TCAF1: variants seen among roughly 807,000 people sequenced by gnomAD.
The protein encoded by TCAF1 is TRPM8 channel associated factor 1.
Under a neutral mutation model 27.3 loss-of-function variants are expected in TCAF1, and 4 were observed. The observed-to-expected ratio is 0.15, with a 90% CI of 0.07 to 0.34. The LOEUF is 0.34. Ranked by LOEUF, TCAF1 falls within the 10% of genes least tolerant of loss-of-function variation. The pLI is 1.00. For synonymous variants in TCAF1, 105 were observed against 167.1 expected (o/e 0.63, Z 2.87); for missense variants, 257 against 425.8 (o/e 0.60, Z 3.49).
intron 1 of TCAF1, chr7:143,885,397 A>ATTGGCTGCCGCGGGTGGAGGCGGAGC: frequency 6.1e-6 from 6 of 985,356 alleles, no homozygotes; most frequent in Non-Finnish European, 7.2e-6. Context: ...CCGGGAGCTG[A>ATTGGCTGCCGCGGGTGGAGGCGGAGC]TTGGCTGCCG....
chr7:143,884,074 T>C (rs1390858332), intron 1 of TCAF1, among the ~76,000 whole-genome samples: 1 of 152,230 alleles, frequency 6.6e-6, no homozygotes, highest in African/African-American at 2.4e-5. Flanking sequence ...AGCCTTATTA[T>C]AAGGCTTAAG....
intron 1 of TCAF1, among the ~76,000 whole-genome samples, chr7:143,890,150 A>G (rs1190911823): frequency 6.7e-6 from 1 of 148,190 alleles, no homozygotes; most frequent in Non-Finnish European, 1.5e-5. Context: ...CACCACACCC[A>G]GTTATTTTAT....
chr7:143,877,981 T>G (rs1449265431), intron 1 of TCAF1, among the ~76,000 whole-genome samples: 1 of 152,224 alleles, frequency 6.6e-6, no homozygotes, highest in Non-Finnish European at 1.5e-5. Flanking sequence ...GATTATAAAC[T>G]TGGGCTCTGG....
Position 143,851,720 on chromosome 7 carries a change from A to G in TCAF1, c.*2413T>C, listed in dbSNP as rs1221079355. 1.3e-5 allele frequency: 2 copies of G among 152,062 alleles called. No individual in the cohort carries two copies. The highest frequency in any genetic ancestry group is 2.9e-5 in the Non-Finnish European group (2 of 68,016). 9.4% of individuals were successfully genotyped at this position (152,062 alleles called of 1,614,324 possible). On this transcript the variant is annotated 3_prime_UTR_variant, in exon 9 of 9. Coordinates refer to ENST00000479870, the MANE Select transcript of TCAF1 (RefSeq NM_014719.3). The stretch of plus-strand genomic sequence containing the variant: ...ATGTCTGATAGTTACATCACTTTTT[A>G]ATACATCTATTGGTTTGATTTTATA...
rs1811285527 is a variant in TCAF1, at chr7:143,851,563, A to G, written c.*2570T>C. 6.6e-6 allele frequency: 1 copy of G among 152,292 alleles called. No homozygotes were observed. The highest frequency in any genetic ancestry group is 6.5e-5 in the Admixed American group (1 of 15,286). 9.4% of individuals were successfully genotyped at this position (152,292 alleles called of 1,614,324 possible). A position where few individuals can be genotyped will look rare whatever the true frequency, so the allele number is the denominator to read the frequency against. On this transcript the variant is annotated 3_prime_UTR_variant, in exon 9 of 9. Coordinates refer to ENST00000479870, the MANE Select transcript of TCAF1 (RefSeq NM_014719.3). ...ATTTTAGATCGTCTGGTAACTTTCT[A>G]ACTTTAAATAATATGTTTGAGCAAT...
At chr7:143,882,816 T>C in intron 1 of TCAF1, 1 of 985,602 alleles carries the variant, frequency 1.0e-6, no homozygotes, top group Non-Finnish European at 1.2e-6. Flanking sequence ...GGAAGAGGCT[T>C]CCCTGTACCA....
rs149074172 is a variant in TCAF1, at chr7:143,889,130, C to T, written c.-14-12508G>A. On this transcript the variant is annotated intron_variant, in intron 1 of 8. Coordinates refer to ENST00000479870, the MANE Select transcript of TCAF1 (RefSeq NM_014719.3). ...AATTATTCATAATTCAGTCTAAAAT[C>T]GAAAAAATGATGGAAAATATGAAAA... is the stretch of plus-strand genomic sequence containing the variant. Among the ~76,000 whole-genome samples, 3 of 151,428 alleles carry T rather than the reference C, an allele frequency of 2.0e-5. 1 individual carries two copies. The highest frequency in any genetic ancestry group is 4.2e-4 in the South Asian group (2 of 4,798).
intron 2 of TCAF1, among the ~76,000 whole-genome samples, chr7:143,869,127 C>T (rs1447669904): frequency 6.9e-6 from 1 of 144,844 alleles, no homozygotes; most frequent in African/African-American, 2.5e-5. Flanking sequence ...CTCAGCCTCC[C>T]CAGTAGCTCG....
At chr7:143,899,997 T>G (rs1019826292) in intron 1 of TCAF1, among the ~76,000 whole-genome samples, 2 of 152,242 alleles carry the variant, frequency 1.3e-5, no homozygotes, top group Non-Finnish European at 2.9e-5. Flanking sequence ...GTGGCAAGCA[T>G]GTAGAGCAAC....
intron 1 of TCAF1, among the ~76,000 whole-genome samples, chr7:143,883,425 T>C (rs1208195851): frequency 6.6e-6 from 1 of 151,938 alleles, no homozygotes; most frequent in Non-Finnish European, 1.5e-5. Flanking sequence ...AAAAATAATA[T>C]ACAGTTCAAA....
In TCAF1 at chr7:143,870,274, A is replaced by G. The variant is rs1195413332; in HGVS notation, c.620+5715T>C. Among the ~76,000 whole-genome samples the G allele has an allele frequency of 6.0e-5, 9 of 150,092 alleles. No homozygotes were observed. The East Asian group carries it at 1.2e-3, about 20-fold the overall frequency. On this transcript the variant is annotated intron_variant, in intron 2 of 8. Coordinates refer to ENST00000479870, the MANE Select transcript of TCAF1 (RefSeq NM_014719.3). Reference sequence around the variant, plus strand: ...TTCTACAGATTTTGGGTTTAATTCAATTTCCTTTTTTAGATTCTTAATATG... The same window carrying G: ...TTCTACAGATTTTGGGTTTAATTCAGTTTCCTTTTTTAGATTCTTAATATG...
intron 2 of TCAF1, among the ~76,000 whole-genome samples, chr7:143,871,435 G>A (rs1223592253): frequency 1.8e-5 from 1 of 56,016 alleles, no homozygotes; most frequent in Non-Finnish European, 3.7e-5. Flanking sequence ...TAAAACAAAC[G>A]TTTAAAAAGA....
intron 1 of TCAF1, among the ~76,000 whole-genome samples, chr7:143,883,426 A>G (rs1292645133): frequency 6.6e-6 from 1 of 151,328 alleles, no homozygotes; most frequent in Non-Finnish European, 1.5e-5. Flanking sequence ...AAAATAATAT[A>G]CAGTTCAAAC....
rs562217464 is a variant in TCAF1 at position 143,885,333 on chromosome 7, A to C, written c.-14-8711T>G. ...AATTGGTAGTGAAGTGGCTAGGAGG[A>C]GGCGTGTGGGGGGAGGTGGGCTGCA... On this transcript the variant is annotated intron_variant, in intron 1 of 8. Transcript: ENST00000479870. 1.3e-4 allele frequency: 132 copies of C among 981,922 alleles called. No individual in the cohort carries two copies. In the South Asian group the frequency reaches 3.1e-3, roughly 23 times the overall value. The allele number at this position is 981,922 out of a possible 1,614,324, so 60.8% of individuals were successfully genotyped here. A position where few individuals can be genotyped will look rare whatever the true frequency, so the allele number is the denominator to read the frequency against.
Position 143,896,224 on chromosome 7 carries a change from G to GA in TCAF1, c.-15+5736dup, listed in dbSNP as rs113220244. The stretch of plus-strand genomic sequence containing the variant: ...CCAAAGAAACCTTGATTTGATCTTT[G>GA]AAAAAAATACGATTTTAAAACAGAA... On this transcript the variant is annotated intron_variant, in intron 1 of 8. Transcript: ENST00000479870. Among the ~76,000 whole-genome samples the GA allele has an allele frequency of 9.2e-3, 1,395 of 151,652 alleles. 25 individuals carry two copies. Among genetic ancestry groups the GA allele is most frequent in the African/African-American group, 0.032 (1,306 of 41,410 alleles).
intron 1 of TCAF1, chr7:143,885,143 G>A (rs1398427778): frequency 4.1e-6 from 4 of 985,510 alleles, no homozygotes; most frequent in Non-Finnish European, 4.8e-6. Context: ...ATCGGGAGCC[G>A]CCCCTGAATT....
At chr7:143,889,719 CTTG>C (rs1813558758) in intron 1 of TCAF1, among the ~76,000 whole-genome samples, 1 of 152,182 alleles carries the variant, frequency 6.6e-6, no homozygotes, top group South Asian at 2.1e-4. Flanking sequence ...AGGTGTTTTG[CTTG>C]TTGACTTTCT....
At chr7:143,879,395 G>A (rs1246789843) in intron 1 of TCAF1, among the ~76,000 whole-genome samples, 1 of 152,136 alleles carries the variant, frequency 6.6e-6, no homozygotes, top group African/African-American at 2.4e-5. Context: ...AGAAGACAAA[G>A]GTGGCTAGTA....
At chr7:143,872,319 G>A (rs1812498192) in intron 2 of TCAF1, among the ~76,000 whole-genome samples, 1 of 151,510 alleles carries the variant, frequency 6.6e-6, no homozygotes, top group South Asian at 2.1e-4. Context: ...TTTTGAGTGA[G>A]ATAACTGTAT....
Sources: gnomAD v4.1 joint callset for allele counts (sites outside exome capture counted in the v4.1 genomes callset) on GRCh38, gnomAD v4.1.1 for gene constraint, MANE v1.5 for transcripts, NCBI Gene and HGNC (gene_info 2026-07-23, HGNC 2026-07-21) for gene names.